FGF12: variants seen among roughly 807,000 people sequenced by gnomAD.
FGF12 encodes fibroblast growth factor 12B.
FGF12 carries 14 observed loss-of-function variants against 23.6 expected under a neutral mutation model. That is an observed-to-expected ratio of 0.59 (90% CI 0.39 to 0.93). FGF12 has a LOEUF of 0.93. Among genes scored for constraint, FGF12 ranks in the 40% least tolerant of loss-of-function variants. FGF12 has a pLI of 0.00. For synonymous variants in FGF12, 62 were observed against 77.3 expected (o/e 0.80, Z 1.04); for missense variants, 175 against 217.8 (o/e 0.80, Z 1.24).
Position 192,170,574 on chromosome 3 carries a change from T to G in FGF12, c.311A>C (p.Gln104Pro). ...AAACCAAGCTCGGCCTGATTCTTGCTGGCGGTACAGTGTGGAAGAATAGAT... is the reference window on the plus strand; with the variant it reads ...AAACCAAGCTCGGCCTGATTCTTGCGGGCGGTACAGTGTGGAAGAATAGAT... ...YVIYSSTLYRQQESGRAWFLG... is the reference protein window; with the variant it reads ...YVIYSSTLYRPQESGRAWFLG... Residue 104 changes from glutamine (Q) to proline (P), a missense_variant, in exon 5 of 6, where the codon CAG (glutamine) becomes CCG (proline). Coordinates refer to ENST00000445105, the MANE Select transcript of FGF12 (RefSeq NM_004113.6). 1.2e-6 allele frequency: 2 copies of G among 1,613,852 alleles called. No homozygotes were observed. The highest frequency in any genetic ancestry group is 1.7e-6 in the Non-Finnish European group (2 of 1,179,948).
chr3:192,633,807 G>A lies in FGF12; in HGVS notation c.13+93374C>T, dbSNP rs115195052. ...AGGGTTTTTGTTGCTCATGATACCC[G>A]AACTGGACACCTGGCCATCATTTTC... is the stretch of plus-strand genomic sequence containing the variant. On this transcript the variant is annotated intron_variant, in intron 2 of 5. Transcript: ENST00000445105. Among the ~76,000 whole-genome samples, 1,107 of 152,208 alleles carry A rather than the reference G, an allele frequency of 7.3e-3. 16 individuals carry two copies. Among genetic ancestry groups the A allele is most frequent in the African/African-American group, 0.025 (1,025 of 41,532 alleles).
At chr3:192,624,740 A>G (rs998768475) in intron 2 of FGF12, among the ~76,000 whole-genome samples, 7 of 152,160 alleles carry the variant, frequency 4.6e-5, no homozygotes, top group Non-Finnish European at 8.8e-5. Context: ...GTGTGTATAC[A>G]ATGATTGTAA....
chr3:192,353,300 G>T (rs1354030190), intron 3 of FGF12, among the ~76,000 whole-genome samples: 1 of 139,614 alleles, frequency 7.2e-6, no homozygotes, highest in Non-Finnish European at 1.5e-5. Flanking sequence ...GAGTAAATAA[G>T]AAAGAATATC....
At chr3:192,503,590 T>C (rs979909502) in intron 2 of FGF12, among the ~76,000 whole-genome samples, 3 of 109,834 alleles carry the variant, frequency 2.7e-5, no homozygotes, top group African/African-American at 1.0e-4. Context: ...TTTTTTTTGG[T>C]GTGTGTGTGT....
At chr3:192,268,643 T>G in intron 4 of FGF12, 1 of 434,070 alleles carries the variant, frequency 2.3e-6, no homozygotes, top group Non-Finnish European at 4.6e-6. Context: ...TTTTGCCATG[T>G]GACATACCTG....
chr3:192,652,368 G>A (rs928513381), intron 2 of FGF12, among the ~76,000 whole-genome samples: 4 of 152,200 alleles, frequency 2.6e-5, no homozygotes, highest in Non-Finnish European at 4.4e-5. Context: ...CCGGATGGAT[G>A]AGAGTGCAAA....
chr3:192,461,978 G>A (rs1225169149), intron 2 of FGF12, among the ~76,000 whole-genome samples: 2 of 150,100 alleles, frequency 1.3e-5, no homozygotes, highest in Non-Finnish European at 3.0e-5. Flanking sequence ...CAACAAGAGC[G>A]AAACTCTGTC....
At chr3:192,206,929 T>TG (rs1468110268) in intron 4 of FGF12, among the ~76,000 whole-genome samples, 2 of 152,156 alleles carry the variant, frequency 1.3e-5, no homozygotes, top group South Asian at 2.1e-4. Context: ...TCTTATTCTC[T>TG]GGGGGTGAAT....
intron 3 of FGF12, among the ~76,000 whole-genome samples, chr3:192,338,088 T>A (rs1028209491): frequency 6.6e-6 from 1 of 152,158 alleles, no homozygotes; most frequent in Admixed American, 6.6e-5. Context: ...TCAGGCTCCC[T>A]AATGTGGTTA....
intron 4 of FGF12, among the ~76,000 whole-genome samples, chr3:192,280,644 A>G (rs939812779): frequency 1.3e-5 from 2 of 152,098 alleles, no homozygotes; most frequent in African/African-American, 4.8e-5. Context: ...CAACGAACCC[A>G]TATCTAGGAA....
At chr3:192,169,002 A>AT (rs564379432) in intron 5 of FGF12, among the ~76,000 whole-genome samples, 6 of 152,198 alleles carry the variant, frequency 3.9e-5, no homozygotes, top group Non-Finnish European at 7.3e-5. Flanking sequence ...AGATAAATGG[A>AT]TAAAAACTAA....
chr3:192,212,130 C>A (rs917545375), intron 4 of FGF12, among the ~76,000 whole-genome samples: 3 of 152,192 alleles, frequency 2.0e-5, no homozygotes, highest in Admixed American at 2.0e-4. Context: ...CAGGGCCTAC[C>A]TTTAAATACT....
chr3:192,357,877 T>A (rs773261149), intron 3 of FGF12, among the ~76,000 whole-genome samples: 33 of 152,196 alleles, frequency 2.2e-4, no homozygotes, highest in Non-Finnish European at 4.6e-4. Context: ...TCAACACCTA[T>A]AAGACAGATC....
Position 192,336,314 on chromosome 3 carries a change from A to C in FGF12, c.125-850T>G, listed in dbSNP as rs1209921501. Among the ~76,000 whole-genome samples the C allele has an allele frequency of 6.6e-6, 1 of 152,120 alleles. No individual in the cohort carries two copies. Among genetic ancestry groups the C allele is most frequent in the African/African-American group, 2.4e-5 (1 of 41,436 alleles). On this transcript the variant is annotated intron_variant, in intron 3 of 5. Coordinates refer to ENST00000445105, the MANE Select transcript of FGF12 (RefSeq NM_004113.6). This position sits in a 1 kb window ranked among gnomAD's most constrained non-coding sequence, Gnocchi z 4.3. ...TACATATTCGAGTTGCTCATCACTC[A>C]AAATACTCAATAGTCTATATGTCCA... is the stretch of plus-strand genomic sequence containing the variant.
At chr3:192,363,669 A>G (rs1028801502) in intron 2 of FGF12, among the ~76,000 whole-genome samples, 10 of 152,176 alleles carry the variant, frequency 6.6e-5, no homozygotes, top group African/African-American at 2.4e-4. Flanking sequence ...ATCAAGTCCT[A>G]CCAACCTTTC....
chr3:192,507,178 C>T (rs1173922924), intron 2 of FGF12, among the ~76,000 whole-genome samples: 1 of 152,134 alleles, frequency 6.6e-6, no homozygotes, highest in African/African-American at 2.4e-5. Context: ...AGGCGTGAGC[C>T]ACTGTGCCCG....
intron 2 of FGF12, among the ~76,000 whole-genome samples, chr3:192,365,976 T>TAAAAAAAAAAAAAAAAA (rs5855421): frequency 7.6e-6 from 1 of 130,788 alleles, no homozygotes. Context: ...GCTTCAAAGG[T>TAAAAAAAAAAAAAAAAA]AAAAAAAAAA....
chr3:192,167,767 ATAAAATTTTTTT>A (rs1715293685), intron 5 of FGF12, among the ~76,000 whole-genome samples: 2 of 29,344 alleles, frequency 6.8e-5, no homozygotes, highest in Non-Finnish European at 1.3e-4. Flanking sequence ...ATATATATAT[ATAAAATTTTTTT>A]TTTTTTTTTT....
chr3:192,335,901 T>A (rs1717384041), intron 3 of FGF12, among the ~76,000 whole-genome samples: 1 of 152,146 alleles, frequency 6.6e-6, no homozygotes, highest in Non-Finnish European at 1.5e-5. Flanking sequence ...CTTCTTGTTT[T>A]TAGTATTTTC....
Sources: allele counts gnomAD v4.1 joint callset (sites outside exome capture counted in the v4.1 genomes callset), GRCh38; gene constraint gnomAD v4.1.1; non-coding constraint Gnocchi (gnomAD v3.1); transcripts MANE v1.5; gene names NCBI Gene and HGNC (gene_info 2026-07-23, HGNC 2026-07-21).